The following USP24 variants were observed in gnomAD, a reference collection of about 807,000 sequenced individuals.
USP24 encodes ubiquitin carboxyl-terminal hydrolase 24.
Under a neutral mutation model 361.6 loss-of-function variants are expected in USP24, and 97 were observed. That is an observed-to-expected ratio of 0.27 (90% CI 0.23 to 0.32). The LOEUF (loss-of-function observed/expected upper bound fraction) is 0.32, where lower values mean the gene tolerates loss of function less well. Among genes scored for constraint, USP24 ranks in the 10% least tolerant of loss-of-function variants. The probability of loss-of-function intolerance (pLI) is 1.00; values close to 1 mark genes in which losing one functional copy is unlikely to be tolerated. For missense variants in USP24, 2,353 were observed against 3,165.6 expected, an observed-to-expected ratio of 0.74 and a Z score of 6.16; for synonymous variants, 1,098 against 1,124.6, an observed-to-expected ratio of 0.98 and a Z score of 0.47.
intron 16 of USP24, among the ~76,000 whole-genome samples, chr1:55,153,469 C>T (rs1647309931): frequency 6.6e-6 from 1 of 152,130 alleles, no homozygotes; most frequent in Non-Finnish European, 1.5e-5. Flanking sequence ...ACTGAACCTC[C>T]TTCCTTTCTC....
intron 21 of USP24, 79 bp from the exon 22 acceptor site, chr1:55,143,198 A>G (rs998214405): frequency 9.1e-7 from 1 of 1,093,234 alleles, no homozygotes; most frequent in Admixed American, 3.5e-5. Flanking sequence ...TTATTTTGTT[A>G]CATCATGAGT....
intron 1 of USP24, among the ~76,000 whole-genome samples, chr1:55,190,024 G>A (rs1644243565): frequency 6.6e-6 from 1 of 151,726 alleles, no homozygotes; most frequent in Admixed American, 6.6e-5. Flanking sequence ...AATTAGCTGG[G>A]GATGGTGGAA....
intron 62 of USP24, 51 bp downstream of exon 62, chr1:55,077,181 CTTG>C: frequency 7.3e-7 from 1 of 1,365,742 alleles, no homozygotes; most frequent in Non-Finnish European, 9.7e-7. Flanking sequence ...TTTATAAACA[CTTG>C]TTGACTAATA....
In USP24 at chr1:55,104,962, T is replaced by C. The variant is rs942908986; in HGVS notation, c.4881-942A>G. Among the ~76,000 whole-genome samples, 8 of 152,240 alleles carry C rather than the reference T, an allele frequency of 5.3e-5. No individual in the cohort carries two copies. In the East Asian group the frequency reaches 1.5e-3, roughly 29 times the overall value. On this transcript the variant is annotated intron_variant, in intron 41 of 67. Coordinates refer to ENST00000294383, the MANE Select transcript of USP24 (RefSeq NM_015306.3). ...AGAGTTTCTGTGTATTTTAAATCTC[T>C]TTCTTCCTTGAAGGTTTTGGTGGGA...
intron 40 of USP24, 82 bp from the exon 41 acceptor site, chr1:55,106,345 C>T (rs1238117910): frequency 8.0e-6 from 9 of 1,122,978 alleles, no homozygotes; most frequent in African/African-American, 1.6e-5. Flanking sequence ...CTTATCAGAG[C>T]AGCAAAGGTA....
chr1:55,199,645 G>C (rs1421041753), intron 1 of USP24, among the ~76,000 whole-genome samples: 2 of 149,920 alleles, frequency 1.3e-5, no homozygotes, highest in East Asian at 1.9e-4. Context: ...GACAGACAGA[G>C]AGAGAAGCTA....
intron 7 of USP24, among the ~76,000 whole-genome samples, chr1:55,163,613 G>T (rs1422528864): frequency 6.6e-6 from 1 of 152,002 alleles, no homozygotes; most frequent in Admixed American, 6.6e-5. Context: ...GCACTAATGA[G>T]ACTATTATGA....
At position 55,068,102 on chromosome 1, in the gene USP24, G is replaced by A. The variant is rs921792280; in HGVS notation, c.*943C>T. 7.9e-5 allele frequency: 12 copies of A among 152,194 alleles called. No homozygotes were observed. The highest frequency in any genetic ancestry group is 3.2e-3 in the Middle Eastern group (1 of 316). 9.4% of individuals were successfully genotyped at this position (152,194 alleles called of 1,614,324 possible). The stretch of plus-strand genomic sequence containing the variant: ...TATACAACCAATACCAAGGGTTTCA[G>A]TAATTATGTTTTAAGCAAAAGCAAA... On this transcript the variant is annotated 3_prime_UTR_variant, in exon 68 of 68. Transcript: ENST00000294383.
intron 16 of USP24, among the ~76,000 whole-genome samples, chr1:55,153,123 A>G (rs1360443521): frequency 2.0e-5 from 3 of 152,182 alleles, no homozygotes; most frequent in African/African-American, 7.2e-5. Context: ...TGAGAGGACA[A>G]TGCTGCTCCA....
chr1:55,086,121 G>T, intron 55 of USP24, 83 bp from the exon 56 acceptor site: 1 of 1,331,870 alleles, frequency 7.5e-7, no homozygotes, highest in Non-Finnish European at 1.1e-6. Flanking sequence ...CCATCTAATA[G>T]CCAAGAAACA....
chr1:55,198,909 T>C (rs186797162), intron 1 of USP24, among the ~76,000 whole-genome samples: 9 of 152,348 alleles, frequency 5.9e-5, no homozygotes, highest in African/African-American at 2.2e-4. Flanking sequence ...TCATAAAATC[T>C]TTTAAACATA....
intron 1 of USP24, among the ~76,000 whole-genome samples, chr1:55,210,386 T>C (rs1381276073): frequency 1.3e-5 from 2 of 152,214 alleles, no homozygotes; most frequent in Admixed American, 6.5e-5. Flanking sequence ...AAGGGCCTTT[T>C]TTTATTTACC....
chr1:55,191,273 C>A lies in USP24; in HGVS notation c.325-13141G>T, dbSNP rs1338922429. On this transcript the variant is annotated intron_variant, in intron 1 of 67. Coordinates refer to ENST00000294383, the MANE Select transcript of USP24 (RefSeq NM_015306.3). ...AACAAGTAACATTGTTGGATACATA[C>A]TCATCTCTTCAGTATTTTAGGCTAC... Among the ~76,000 whole-genome samples the A allele has an allele frequency of 1.3e-5, 2 of 152,124 alleles. 1 individual carries two copies.
At chr1:55,205,242 C>G (rs1644676278) in intron 1 of USP24, among the ~76,000 whole-genome samples, 1 of 152,066 alleles carries the variant, frequency 6.6e-6, no homozygotes, top group African/African-American at 2.4e-5. Context: ...CAAAAGCTGG[C>G]AGATAATCTA....
At chr1:55,081,472 A>T in intron 58 of USP24, 48 bp from the exon 59 acceptor site, 1 of 1,544,338 alleles carries the variant, frequency 6.5e-7, no homozygotes, top group Non-Finnish European at 9.0e-7. Flanking sequence ...CGTCAGAAAT[A>T]ATATGAAGAG....
At chr1:55,155,134 A>T (rs1287038869) in intron 12 of USP24, among the ~76,000 whole-genome samples, 1 of 152,158 alleles carries the variant, frequency 6.6e-6, no homozygotes, top group Non-Finnish European at 1.5e-5. Flanking sequence ...AAATGTACCC[A>T]CTTTTGACAT....
At chr1:55,124,654 G>A (rs767941432) in intron 34 of USP24, 26 bp from the exon 35 acceptor site, 13 of 1,612,096 alleles carry the variant, frequency 8.1e-6, no homozygotes, top group Middle Eastern at 3.3e-4. Flanking sequence ...AGTATTATGA[G>A]AAAGAGCAAT....
intron 45 of USP24, among the ~76,000 whole-genome samples, chr1:55,099,167 G>C (rs188534627): frequency 4.6e-5 from 7 of 152,316 alleles, no homozygotes; most frequent in Admixed American, 4.6e-4. Context: ...TATTTCAGTA[G>C]ACACACAGAA....
chr1:55,103,822 T>A, intron 42 of USP24, 54 bp downstream of exon 42: 5 of 1,551,770 alleles, frequency 3.2e-6, no homozygotes, highest in Non-Finnish European at 4.4e-6. Context: ...TAAAATTATA[T>A]GTTTCAGAGA....
Sources: allele counts gnomAD v4.1 joint callset (sites outside exome capture counted in the v4.1 genomes callset), GRCh38; gene constraint gnomAD v4.1.1; transcripts MANE v1.5; gene names NCBI Gene and HGNC (gene_info 2026-07-23, HGNC 2026-07-21).